The following SPTSSB variants were observed in gnomAD, a reference collection of about 807,000 sequenced individuals.
SPTSSB encodes androgen down regulated in mouse prostate.
A neutral mutation model predicts 7.7 loss-of-function variants in SPTSSB; 6 were observed. The ratio of observed to expected loss-of-function variants is 0.78; its 90% CI spans 0.43 to 1.54. The LOEUF is 1.54. SPTSSB is among the 40% of genes most tolerant of loss of function. The pLI is 0.01. For synonymous variants in SPTSSB, 28 were observed against 29.7 expected, an observed-to-expected ratio of 0.94 and a Z score of 0.19; for missense variants, 91 against 93.0, an observed-to-expected ratio of 0.98 and a Z score of 0.09.
At chr3:161,348,834 A>G (rs989963573) in intron 2 of SPTSSB, among the ~76,000 whole-genome samples, 14 of 152,192 alleles carry the variant, frequency 9.2e-5, no homozygotes, top group African/African-American at 3.4e-4. Context: ...AGCAATTTTA[A>G]AGACAGTTTG....
chr3:161,356,996 AT>A (rs1251216656), intron 2 of SPTSSB, among the ~76,000 whole-genome samples: 19 of 152,190 alleles, frequency 1.2e-4, no homozygotes, highest in African/African-American at 4.6e-4. Context: ...AGAAAAAAAA[AT>A]AAAAATAAAA....
chr3:161,349,883 G>C (rs1322836290), intron 2 of SPTSSB, among the ~76,000 whole-genome samples: 1 of 152,178 alleles, frequency 6.6e-6, no homozygotes, highest in Non-Finnish European at 1.5e-5. Context: ...TTATCAACGG[G>C]TGGTGATTTC....
At chr3:161,369,404 TTTTTTTG>T in intron 1 of SPTSSB, among the ~76,000 whole-genome samples, 1 of 130,230 alleles carries the variant, frequency 7.7e-6, no homozygotes, top group African/African-American at 2.7e-5. Flanking sequence ...TTTTTTTTTT[TTTTTTTG>T]TGATAGCCAT....
chr3:161,353,772 G>A (rs1714647517), intron 2 of SPTSSB, among the ~76,000 whole-genome samples: 1 of 152,166 alleles, frequency 6.6e-6, no homozygotes, highest in Non-Finnish European at 1.5e-5. Flanking sequence ...TTTATTGGCT[G>A]ATCAGTTTCC....
At chr3:161,349,798 T>C (rs1576894738) in intron 2 of SPTSSB, among the ~76,000 whole-genome samples, 1 of 152,206 alleles carries the variant, frequency 6.6e-6, no homozygotes, top group African/African-American at 2.4e-5. Flanking sequence ...GTGTTGGAAG[T>C]CCACTAAAAG....
intron 2 of SPTSSB, among the ~76,000 whole-genome samples, chr3:161,355,667 G>A (rs942295014): frequency 2.0e-5 from 3 of 152,174 alleles, no homozygotes; most frequent in Non-Finnish European, 2.9e-5. Context: ...AATGATGGTT[G>A]TCAGGGACTG....
intron 2 of SPTSSB, among the ~76,000 whole-genome samples, chr3:161,351,447 C>T (rs1172491643): frequency 6.6e-6 from 1 of 152,142 alleles, no homozygotes; most frequent in Non-Finnish European, 1.5e-5. Flanking sequence ...GCTTTACTTC[C>T]TATCTGGAAA....
Position 161,348,339 on chromosome 3 carries a change from G to A in SPTSSB, c.-32-1984C>T, listed in dbSNP as rs865939027. Among the ~76,000 whole-genome samples, 7 of 152,066 alleles carry A rather than the reference G, an allele frequency of 4.6e-5. 1 individual carries two copies. In the South Asian group the frequency reaches 1.5e-3, roughly 32 times the overall value. ...AAAAAAATGCATTGATTAATTTCCC[G>A]GCTATTGCTTTCTCTATTAAAATTA... On this transcript the variant is annotated intron_variant, in intron 2 of 2. Coordinates refer to ENST00000620149, the MANE Select transcript of SPTSSB (RefSeq NM_001040100.2).
intron 2 of SPTSSB, among the ~76,000 whole-genome samples, chr3:161,348,272 CAAAA>C: frequency 7.4e-6 from 1 of 134,666 alleles, no homozygotes; most frequent in Admixed American, 7.6e-5. Flanking sequence ...CAAAACAAAA[CAAAA>C]CAAAACAAAA....
intron 2 of SPTSSB, among the ~76,000 whole-genome samples, chr3:161,350,244 C>G (rs1340755904): frequency 6.6e-6 from 1 of 152,048 alleles, no homozygotes. Context: ...TGATTTGGTA[C>G]AGTGGTATTT....
intron 1 of SPTSSB, among the ~76,000 whole-genome samples, chr3:161,362,159 G>A (rs1715043418): frequency 6.6e-6 from 1 of 152,092 alleles, no homozygotes; most frequent in Non-Finnish European, 1.5e-5. Flanking sequence ...GCTCAGTTAT[G>A]TATGTTTCTA....
rs1485963058 is a variant in SPTSSB at position 161,369,240 on chromosome 3, TTA to T, written c.-126+2193_-126+2194del. Among the ~76,000 whole-genome samples the T allele has an allele frequency of 1.1e-4, 16 of 150,910 alleles. No individual in the cohort carries two copies. In the East Asian group the frequency reaches 3.1e-3, roughly 30 times the overall value. On this transcript the variant is annotated intron_variant, in intron 1 of 2. Coordinates refer to ENST00000620149, the MANE Select transcript of SPTSSB (RefSeq NM_001040100.2). ...TCTACATCTTCTCTAACACTTGCTA[TTA>T]TCTCTTTCTTTCTTTCTTTCTCTTT...
intron 2 of SPTSSB, among the ~76,000 whole-genome samples, chr3:161,349,813 T>A (rs878894938): frequency 1.8e-4 from 28 of 152,220 alleles, no homozygotes; most frequent in African/African-American, 6.3e-4. Context: ...TAAAAGGTTA[T>A]TTCATAACTG....
At chr3:161,347,327 C>T (rs1466771572) in intron 2 of SPTSSB, among the ~76,000 whole-genome samples, 2 of 152,058 alleles carry the variant, frequency 1.3e-5, no homozygotes, top group African/African-American at 2.4e-5. Flanking sequence ...GCACAATCTT[C>T]GCTCACTACA....
intron 2 of SPTSSB, among the ~76,000 whole-genome samples, chr3:161,349,690 C>G (rs1327786807): frequency 1.3e-5 from 2 of 152,178 alleles, no homozygotes; most frequent in Non-Finnish European, 2.9e-5. Context: ...CCTAAGCAGA[C>G]TGTGATGTGG....
chr3:161,357,419 T>A (rs1714816304), intron 2 of SPTSSB, among the ~76,000 whole-genome samples: 1 of 152,220 alleles, frequency 6.6e-6, no homozygotes, highest in African/African-American at 2.4e-5. Flanking sequence ...TATGGCTACC[T>A]ACATGCTTCC....
chr3:161,364,127 C>CT (rs748339381), intron 1 of SPTSSB, among the ~76,000 whole-genome samples: 21 of 151,796 alleles, frequency 1.4e-4, no homozygotes, highest in East Asian at 3.9e-4. Context: ...ACTTAAACTA[C>CT]TTTTTTTTAA....
chr3:161,369,322 T>TTC (rs1253990469), intron 1 of SPTSSB, among the ~76,000 whole-genome samples: 44 of 96,502 alleles, frequency 4.6e-4, no homozygotes, highest in African/African-American at 1.6e-3. Flanking sequence ...TTCTCTTTCT[T>TTC]TCTTTCTTTC....
At chr3:161,349,101 T>A (rs1208217087) in intron 2 of SPTSSB, among the ~76,000 whole-genome samples, 1 of 152,200 alleles carries the variant, frequency 6.6e-6, no homozygotes, top group Admixed American at 6.5e-5. Flanking sequence ...AATGAATACA[T>A]TTTGAGTACT....
Sources: allele counts gnomAD v4.1 joint callset (sites outside exome capture counted in the v4.1 genomes callset), GRCh38; gene constraint gnomAD v4.1.1; transcripts MANE v1.5; gene names NCBI Gene and HGNC (gene_info 2026-07-23, HGNC 2026-07-21).